The following ADGRA3 variants were observed in gnomAD, a reference collection of about 807,000 sequenced individuals.
ADGRA3 encodes G-protein coupled receptor 125.
Under a neutral mutation model 119.8 loss-of-function variants are expected in ADGRA3, and 56 were observed. The ratio of observed to expected loss-of-function variants is 0.47; its 90% CI spans 0.38 to 0.58. The LOEUF is 0.58. ADGRA3 is among the 20% of genes least tolerant of loss of function. The pLI, the probability that ADGRA3 is intolerant of heterozygous loss-of-function variation, is 0.00. For synonymous variants in ADGRA3, 607 were observed against 623.8 expected (o/e 0.97, Z 0.40); for missense variants, 1,516 against 1,649.0 (o/e 0.92, Z 1.40).
chr4:22,421,967 A>AT (rs1228552159), intron 11 of ADGRA3, among the ~76,000 whole-genome samples: 1 of 151,944 alleles, frequency 6.6e-6, no homozygotes, highest in Non-Finnish European at 1.5e-5. Context: ...CATCTGAAAA[A>AT]TATGGCACCT....
intron 18 of ADGRA3, 46 bp downstream of exon 18, chr4:22,389,042 A>G (rs777887950): frequency 5.0e-6 from 8 of 1,599,452 alleles, no homozygotes; most frequent in Admixed American, 3.4e-5. Context: ...AAATACTTAA[A>G]AGAGAAACAA....
intron 1 of ADGRA3, among the ~76,000 whole-genome samples, chr4:22,487,389 G>A (rs1323898323): frequency 3.3e-5 from 5 of 152,106 alleles, no homozygotes; most frequent in Admixed American, 2.6e-4. Context: ...TCCTTCGCAT[G>A]TGCAATTCAC....
At chr4:22,510,002 T>A in intron 1 of ADGRA3, among the ~76,000 whole-genome samples, 1 of 82,828 alleles carries the variant, frequency 1.2e-5, no homozygotes, top group African/African-American at 5.3e-5. Context: ...AGAGCGAGAC[T>A]CCGTCTCAAA....
Position 22,515,850 on chromosome 4 carries a change from G to T in ADGRA3, c.-66C>A, listed in dbSNP as rs990556319. ...GCCTAGCGGGCCGCCCCGGAGCCCG[G>T]GCGGGCAGGAGCGCGGCGCGGGCCC... On this transcript the variant is annotated 5_prime_UTR_variant, in exon 1 of 19. Transcript: ENST00000334304. 200 of 975,308 alleles carry T rather than the reference G, an allele frequency of 2.1e-4. No homozygotes were observed. The highest frequency in any genetic ancestry group is 2.4e-4 in the Non-Finnish European group (198 of 822,624). 60.4% of individuals were successfully genotyped at this position (975,308 alleles called of 1,614,324 possible). A position where few individuals can be genotyped will look rare whatever the true frequency, so the allele number is the denominator to read the frequency against.
intron 10 of ADGRA3, 81 bp downstream of exon 10, chr4:22,435,230 G>A: frequency 8.9e-7 from 1 of 1,128,338 alleles, no homozygotes; most frequent in Non-Finnish European, 1.3e-6. Context: ...ACATAAACAG[G>A]CCTTAAAATA....
chr4:22,464,472 G>T (rs1717581519), intron 2 of ADGRA3, among the ~76,000 whole-genome samples: 1 of 152,174 alleles, frequency 6.6e-6, no homozygotes, highest in South Asian at 2.1e-4. Context: ...TTAACTTGGA[G>T]TAAAAAGACG....
chr4:22,427,177 A>C (rs942651862), intron 10 of ADGRA3, among the ~76,000 whole-genome samples: 2 of 152,206 alleles, frequency 1.3e-5, no homozygotes, highest in African/African-American at 4.8e-5. Context: ...ATATTAATAA[A>C]ATTCCCACTG....
At chr4:22,404,345 A>G (rs1018476093) in intron 14 of ADGRA3, among the ~76,000 whole-genome samples, 2 of 152,182 alleles carry the variant, frequency 1.3e-5, no homozygotes, top group Non-Finnish European at 2.9e-5. Context: ...TTCCCAAGGT[A>G]GAATCATAAG....
intron 4 of ADGRA3, among the ~76,000 whole-genome samples, chr4:22,452,394 A>C (rs961557997): frequency 5.9e-5 from 9 of 152,200 alleles, no homozygotes; most frequent in African/African-American, 2.2e-4. Flanking sequence ...CCAGAAATCT[A>C]TATACAAATA....
At chr4:22,448,384 A>C (rs1041495709) in intron 4 of ADGRA3, among the ~76,000 whole-genome samples, 1 of 152,128 alleles carries the variant, frequency 6.6e-6, no homozygotes, top group African/African-American at 2.4e-5. Flanking sequence ...CATATGCTCA[A>C]CCTCCACAAG....
At chr4:22,488,553 C>T (rs1718517264) in intron 1 of ADGRA3, among the ~76,000 whole-genome samples, 1 of 152,084 alleles carries the variant, frequency 6.6e-6, no homozygotes, top group Admixed American at 6.6e-5. Context: ...TAACCCAACG[C>T]AAGCGTGAAG....
intron 2 of ADGRA3, among the ~76,000 whole-genome samples, chr4:22,462,788 G>C (rs1052853142): frequency 3.9e-5 from 6 of 152,174 alleles, no homozygotes; most frequent in African/African-American, 1.4e-4. Context: ...ACTACCACTT[G>C]GGGGTGGGAG....
intron 16 of ADGRA3, among the ~76,000 whole-genome samples, chr4:22,397,681 G>A (rs1714422323): frequency 6.6e-6 from 1 of 152,114 alleles, no homozygotes; most frequent in Non-Finnish European, 1.5e-5. Context: ...TCTTTCCTGA[G>A]CTGTTCTTGC....
Position 22,442,731 on chromosome 4 carries a change from T to C in ADGRA3, c.839A>G (p.Asp280Gly), listed in dbSNP as rs200853804. The change falls in exon 7 of 19, where the codon GAT becomes GGT. Residue 280 changes from aspartate (D) to glycine (G), a missense_variant. Physicochemically the swap from Asp to Gly is moderately conservative, Grantham distance 94. Coordinates refer to ENST00000334304, the MANE Select transcript of ADGRA3 (RefSeq NM_145290.4). The stretch of plus-strand genomic sequence containing the variant: ...TTCATCGGTTTCAACTATTCTCCCA[T>C]CCTGATACCACAACACTTGCATGTC... ...DQDMQVLWYQ[D>G]GRIVETDESQ... The C allele has an allele frequency of 1.8e-4, 289 of 1,613,390 alleles. No individual in the cohort carries two copies. Among genetic ancestry groups the C allele is most frequent in the Non-Finnish European group, 2.4e-4 (285 of 1,179,534 alleles).
intron 1 of ADGRA3, among the ~76,000 whole-genome samples, chr4:22,490,393 T>C (rs1718582156): frequency 6.6e-6 from 1 of 152,184 alleles, no homozygotes; most frequent in Non-Finnish European, 1.5e-5. Context: ...AGCCATTTTA[T>C]TTGGCATTTT....
At chr4:22,507,879 T>G (rs1290006987) in intron 1 of ADGRA3, among the ~76,000 whole-genome samples, 1 of 152,170 alleles carries the variant, frequency 6.6e-6, no homozygotes, top group Non-Finnish European at 1.5e-5. Context: ...GCAGATAGAT[T>G]GAATATACCC....
At chr4:22,389,641 C>T (rs1166033247) in intron 17 of ADGRA3, among the ~76,000 whole-genome samples, 1 of 152,080 alleles carries the variant, frequency 6.6e-6, no homozygotes, top group Non-Finnish European at 1.5e-5. Context: ...CCCAGGACTG[C>T]CCACTGCTGT....
At chr4:22,417,078 A>T in intron 12 of ADGRA3, among the ~76,000 whole-genome samples, 1 of 152,202 alleles carries the variant, frequency 6.6e-6, no homozygotes, top group Middle Eastern at 3.2e-3. Flanking sequence ...TTGACCACTT[A>T]CTTGACTTTA....
chr4:22,494,781 AT>A (rs1718753689), intron 1 of ADGRA3, among the ~76,000 whole-genome samples: 1 of 152,030 alleles, frequency 6.6e-6, no homozygotes, highest in Non-Finnish European at 1.5e-5. Context: ...ATTTTTAGTT[AT>A]TTTTAACTAA....
Sources: gnomAD v4.1 joint callset for allele counts (sites outside exome capture counted in the v4.1 genomes callset) on GRCh38, gnomAD v4.1.1 for gene constraint, MANE v1.5 for transcripts, NCBI Gene and HGNC (gene_info 2026-07-23, HGNC 2026-07-21) for gene names.